Variants in FCHSD2 observed in about 807,000 individuals in gnomAD.
FCHSD2 encodes the protein F-BAR and double SH3 domains protein 2.
FCHSD2 carries 38 observed loss-of-function variants against 108.1 expected under a neutral mutation model. That is an observed-to-expected ratio of 0.35 (90% confidence interval 0.27 to 0.46). The LOEUF (loss-of-function observed/expected upper bound fraction) is 0.46, where lower values mean the gene tolerates loss of function less well. Ranked by LOEUF, FCHSD2 falls within the 20% of genes least tolerant of loss-of-function variation. The pLI is 1.00. For missense variants in FCHSD2, 751 were observed against 897.8 expected (o/e 0.84, Z 2.09); for synonymous variants, 279 against 314.7 (o/e 0.89, Z 1.20).
intron 4 of FCHSD2, among the ~76,000 whole-genome samples, chr11:73,013,164 G>A (rs1857897533): frequency 1.3e-5 from 2 of 152,154 alleles, no homozygotes; most frequent in African/African-American, 2.4e-5. Context: ...TACCTATGAT[G>A]TATCCTTAAT....
chr11:72,937,972 G>A (rs1372111718), intron 8 of FCHSD2, among the ~76,000 whole-genome samples: 2 of 152,200 alleles, frequency 1.3e-5, no homozygotes, highest in African/African-American at 2.4e-5. Flanking sequence ...TGTCTGAATG[G>A]TAAGGGAAAC....
At chr11:73,000,780 C>T (rs1857610928) in intron 5 of FCHSD2, among the ~76,000 whole-genome samples, 2 of 152,078 alleles carry the variant, frequency 1.3e-5, no homozygotes, top group Admixed American at 6.5e-5. Flanking sequence ...GCTTTTTGAA[C>T]GTCCATGGAT....
At position 73,071,473 on chromosome 11, in the gene FCHSD2, C is replaced by T. The variant is rs576289344; in HGVS notation, c.165+12222G>A. 1.6e-4 allele frequency among the ~76,000 whole-genome samples: 24 copies of T among 150,868 alleles called. No individual in the cohort carries two copies. In the South Asian group the frequency reaches 4.8e-3, roughly 30 times the overall value. On this transcript the variant is annotated intron_variant, in intron 3 of 19. Coordinates refer to ENST00000409418, the MANE Select transcript of FCHSD2 (RefSeq NM_014824.3). ...TTGAGAGGTCGAGGCGGGCAGATCA[C>T]GAGGTCAGGAGATTGAGACCATCCT...
At chr11:73,130,821 C>T (rs972885882) in intron 2 of FCHSD2, among the ~76,000 whole-genome samples, 4 of 152,078 alleles carry the variant, frequency 2.6e-5, no homozygotes, top group Admixed American at 2.0e-4. Flanking sequence ...TTTAGTCATT[C>T]GAAGTTGCAT....
At chr11:73,124,422 A>T (rs1045041289) in intron 2 of FCHSD2, among the ~76,000 whole-genome samples, 2 of 152,118 alleles carry the variant, frequency 1.3e-5, no homozygotes, top group African/African-American at 2.4e-5. Context: ...TAATAATTTT[A>T]AAAAAAGAAG....
intron 8 of FCHSD2, among the ~76,000 whole-genome samples, chr11:72,938,634 AGTG>A (rs960885829): frequency 6.6e-6 from 1 of 152,146 alleles, no homozygotes; most frequent in African/African-American, 2.4e-5. Flanking sequence ...TCTAGCAGGT[AGTG>A]GAAGTCTCTA....
rs192800451 is a variant in FCHSD2 at position 73,062,668 on chromosome 11, C to A, written c.165+21027G>T. Among the ~76,000 whole-genome samples the A allele has an allele frequency of 2.6e-5, 4 of 151,992 alleles. 1 individual carries two copies. The highest frequency in any genetic ancestry group is 9.7e-5 in the African/African-American group (4 of 41,420). ...ACACCGTTTCAATAGCCAAATCGATCAAGAGGAAGAAAGGATACCAGTGAT... is the reference window on the plus strand; with the variant it reads ...ACACCGTTTCAATAGCCAAATCGATAAAGAGGAAGAAAGGATACCAGTGAT... On this transcript the variant is annotated intron_variant, in intron 3 of 19. Transcript: ENST00000409418.
chr11:73,112,961 C>T (rs1591563720), intron 2 of FCHSD2, among the ~76,000 whole-genome samples: 1 of 152,160 alleles, frequency 6.6e-6, no homozygotes, highest in Non-Finnish European at 1.5e-5. Flanking sequence ...CCACTGCCCT[C>T]GGCCAGATAT....
intron 3 of FCHSD2, among the ~76,000 whole-genome samples, chr11:73,067,992 G>A (rs536584411): frequency 1.6e-4 from 24 of 152,136 alleles, no homozygotes; most frequent in African/African-American, 5.6e-4. Context: ...ACAGACACGA[G>A]AGAATAAGAA....
chr11:72,853,670 G>T (rs925959496), intron 13 of FCHSD2, among the ~76,000 whole-genome samples: 2 of 151,894 alleles, frequency 1.3e-5, no homozygotes, highest in Admixed American at 6.6e-5. Context: ...CCACCTCAAT[G>T]AGTTTTTTAA....
chr11:73,128,422 C>G (rs1216569896), intron 2 of FCHSD2, among the ~76,000 whole-genome samples: 1 of 152,064 alleles, frequency 6.6e-6, no homozygotes, highest in Admixed American at 6.5e-5. Flanking sequence ...GACCTACCTC[C>G]AAGAAGATCA....
chr11:73,104,047 A>G (rs1321533681), intron 2 of FCHSD2, among the ~76,000 whole-genome samples: 1 of 152,222 alleles, frequency 6.6e-6, no homozygotes, highest in Admixed American at 6.5e-5. Context: ...AACAGCTCCC[A>G]AGTACCTGAA....
At position 72,914,963 on chromosome 11, in the gene FCHSD2, A is replaced by ATTTTTT. The variant is rs144998272; in HGVS notation, c.828+6859_828+6864dup. Reference sequence around the variant, plus strand: ...TAAAAAGGCATCCTACAGAATGGGAATTTTTTTTTTTTTTTTTTTTGCAAA... The same window carrying ATTTTTT: ...TAAAAAGGCATCCTACAGAATGGGAATTTTTTTTTTTTTTTTTTTTTTTTTTGCAAA... On this transcript the variant is annotated intron_variant, in intron 9 of 19. Coordinates refer to ENST00000409418, the MANE Select transcript of FCHSD2 (RefSeq NM_014824.3). Among the ~76,000 whole-genome samples, 188 of 120,456 alleles carry ATTTTTT rather than the reference A, an allele frequency of 1.6e-3. 5 individuals are homozygous for ATTTTTT. The highest frequency in any genetic ancestry group is 5.5e-3 in the African/African-American group (171 of 31,058). The allele number at this position is 120,456 out of a possible 152,430, so 79.0% of individuals were successfully genotyped here.
chr11:72,870,040 G>C (rs1475529862), intron 12 of FCHSD2, among the ~76,000 whole-genome samples: 1 of 152,074 alleles, frequency 6.6e-6, no homozygotes, highest in Non-Finnish European at 1.5e-5. Flanking sequence ...CCCACTTGCT[G>C]TTCCTCTGAT....
At chr11:72,986,152 G>T (rs985493888) in intron 6 of FCHSD2, among the ~76,000 whole-genome samples, 1 of 152,036 alleles carries the variant, frequency 6.6e-6, no homozygotes, top group South Asian at 2.1e-4. Flanking sequence ...AAAAAAATTG[G>T]GTTTAAAAGA....
At chr11:73,085,425 C>T (rs900608000) in intron 2 of FCHSD2, among the ~76,000 whole-genome samples, 2 of 152,284 alleles carry the variant, frequency 1.3e-5, no homozygotes, top group Admixed American at 6.5e-5. Context: ...TGTTGTTGCA[C>T]TTCCCTCAAC....
In FCHSD2 at chr11:72,887,579, TA is replaced by T. The variant is rs750753274; in HGVS notation, c.1042-6del. The T allele has an allele frequency of 7.9e-6, 12 of 1,517,522 alleles. No homozygotes were observed. In the African/African-American group the frequency reaches 1.7e-4, roughly 22 times the overall value. The allele number at this position is 1,517,522 out of a possible 1,614,324, so 94.0% of individuals were successfully genotyped here. A position where few individuals can be genotyped will look rare whatever the true frequency, so the allele number is the denominator to read the frequency against. On this transcript the variant is annotated splice_region_variant and splice_polypyrimidine_tract_variant and intron_variant, in intron 11 of 19. Transcript: ENST00000409418. ...ACACTCCAGATCATTTAGAACCTAT[TA>T]AAGAAAATGGGACAATAATGATGAC...
chr11:72,845,449 AAAAAAAAAAAAAC>A (rs200108232), intron 14 of FCHSD2, among the ~76,000 whole-genome samples: 60,089 of 139,098 alleles, frequency 0.43, 13,596 homozygotes, highest in South Asian at 0.65. Flanking sequence ...AAAAAAAAAA[AAAAAAAAAAAAAC>A]AACAACAAAC....
chr11:72,859,933 A>G (rs1861526544), intron 13 of FCHSD2, among the ~76,000 whole-genome samples: 1 of 152,192 alleles, frequency 6.6e-6, no homozygotes, highest in Non-Finnish European at 1.5e-5. Flanking sequence ...CCAATCTTTT[A>G]GGCACCAGGA....
Sources: allele counts gnomAD v4.1 joint callset (sites outside exome capture counted in the v4.1 genomes callset), GRCh38; gene constraint gnomAD v4.1.1; transcripts MANE v1.5; gene names NCBI Gene and HGNC (gene_info 2026-07-23, HGNC 2026-07-21).